Variants in OPCML observed in about 807,000 individuals in gnomAD.
The protein encoded by OPCML is opioid-binding protein/cell adhesion molecule.
In OPCML, 13 loss-of-function variants were observed where a neutral mutation model predicts 37.8. The ratio of observed to expected loss-of-function variants is 0.34; its 90% CI spans 0.22 to 0.55. The LOEUF is 0.55. OPCML is among the 20% of genes least tolerant of loss of function. OPCML has a pLI of 0.91. For synonymous variants in OPCML, 176 were observed against 168.8 expected, an observed-to-expected ratio of 1.04 and a Z score of -0.33; for missense variants, 341 against 435.6, an observed-to-expected ratio of 0.78 and a Z score of 1.93.
intron 1 of OPCML, among the ~76,000 whole-genome samples, chr11:133,336,919 T>A (rs1943756551): frequency 6.6e-6 from 1 of 152,196 alleles, no homozygotes; most frequent in Non-Finnish European, 1.5e-5. Context: ...GATTCTGATG[T>A]GGAGACAAAT....
chr11:133,105,142 G>A (rs1433309510), intron 1 of OPCML, among the ~76,000 whole-genome samples: 1 of 152,100 alleles, frequency 6.6e-6, no homozygotes. Context: ...TAAACTTTAC[G>A]CTTGCTGAGA....
chr11:133,245,072 T>A (rs1940871155), intron 1 of OPCML, among the ~76,000 whole-genome samples: 1 of 152,172 alleles, frequency 6.6e-6, no homozygotes, highest in African/African-American at 2.4e-5. Flanking sequence ...CTGGGTTGAT[T>A]CTACTGTGAG....
chr11:132,563,321 A>C (rs2096414748), intron 3 of OPCML, among the ~76,000 whole-genome samples: 1 of 152,080 alleles, frequency 6.6e-6, no homozygotes, highest in Non-Finnish European at 1.5e-5. Flanking sequence ...TGGAGTATAA[A>C]GACTCCATGT....
intron 2 of OPCML, among the ~76,000 whole-genome samples, chr11:132,794,525 A>G (rs897344094): frequency 6.6e-6 from 1 of 152,134 alleles, no homozygotes; most frequent in African/African-American, 2.4e-5. Flanking sequence ...CTGGAAGATA[A>G]TGGGACCAGG....
At chr11:132,913,069 A>G (rs1944482337) in intron 2 of OPCML, among the ~76,000 whole-genome samples, 1 of 152,238 alleles carries the variant, frequency 6.6e-6, no homozygotes. Context: ...CAAATATTCT[A>G]CATATTACCA....
intron 2 of OPCML, among the ~76,000 whole-genome samples, chr11:132,929,595 AAACAAC>A (rs888428454): frequency 2.6e-5 from 4 of 152,122 alleles, no homozygotes; most frequent in Non-Finnish European, 4.4e-5. Flanking sequence ...GACATTACCA[AAACAAC>A]AACAACAACA....
intron 1 of OPCML, among the ~76,000 whole-genome samples, chr11:133,070,166 A>G (rs1202784433): frequency 6.6e-6 from 1 of 152,192 alleles, no homozygotes; most frequent in Non-Finnish European, 1.5e-5. Flanking sequence ...TGCATTACAA[A>G]TTTACCTCTC....
intron 1 of OPCML, among the ~76,000 whole-genome samples, chr11:133,083,489 C>CG (rs1948773190): frequency 6.6e-6 from 1 of 152,100 alleles, no homozygotes; most frequent in Admixed American, 6.5e-5. Context: ...GGCAGGGCCC[C>CG]GGAAGGCTCG....
intron 2 of OPCML, among the ~76,000 whole-genome samples, chr11:132,663,134 C>G (rs368417925): frequency 2.8e-4 from 43 of 152,288 alleles, no homozygotes; most frequent in African/African-American, 9.9e-4. Flanking sequence ...CTTCATAGAG[C>G]TTACATCACT....
chr11:132,873,708 T>G, intron 2 of OPCML, among the ~76,000 whole-genome samples: 1 of 125,206 alleles, frequency 8.0e-6, no homozygotes, highest in African/African-American at 3.3e-5. Context: ...GGCTGAGCAG[T>G]TGGGCACAAA....
chr11:132,640,708 A>C (rs7130773), intron 3 of OPCML, among the ~76,000 whole-genome samples: 6,412 of 152,244 alleles, frequency 0.042, 321 homozygotes, highest in African/African-American at 0.12. Flanking sequence ...TGTGTAACGC[A>C]GTAGTTACGG....
intron 1 of OPCML, among the ~76,000 whole-genome samples, chr11:132,956,273 G>A (rs774570530): frequency 2.6e-5 from 4 of 152,154 alleles, no homozygotes; most frequent in Admixed American, 6.5e-5. Context: ...GCCGTACCAC[G>A]TGGCTAACAA....
intron 3 of OPCML, among the ~76,000 whole-genome samples, chr11:132,619,429 G>C (rs190908463): frequency 5.5e-4 from 84 of 152,218 alleles, no homozygotes; most frequent in African/African-American, 1.9e-3. Context: ...TGTATGGTAG[G>C]CATTTGATGA....
intron 2 of OPCML, among the ~76,000 whole-genome samples, chr11:132,739,163 C>T (rs148229900): frequency 6.6e-6 from 1 of 152,328 alleles, no homozygotes; most frequent in Non-Finnish European, 1.5e-5. Context: ...TATCTCCTCA[C>T]AGTTTGTCAC....
intron 1 of OPCML, among the ~76,000 whole-genome samples, chr11:133,270,415 C>CAA (rs1192418658): frequency 6.6e-6 from 1 of 152,066 alleles, no homozygotes; most frequent in African/African-American, 2.4e-5. Flanking sequence ...GAAGGCTAGA[C>CAA]AAATGATCCC....
chr11:132,674,569 G>C (rs1326761933), intron 2 of OPCML, among the ~76,000 whole-genome samples: 1 of 152,246 alleles, frequency 6.6e-6, no homozygotes, highest in African/African-American at 2.4e-5. Context: ...GGTGGCACTT[G>C]TCTTATAAAA....
At chr11:133,314,153 T>G (rs1344410063) in intron 1 of OPCML, among the ~76,000 whole-genome samples, 2 of 135,068 alleles carry the variant, frequency 1.5e-5, no homozygotes, top group Non-Finnish European at 3.0e-5. Flanking sequence ...GAGAATGGCG[T>G]GAACCCAGGA....
intron 3 of OPCML, among the ~76,000 whole-genome samples, chr11:132,611,317 C>A (rs532922272): frequency 3.3e-5 from 5 of 152,168 alleles, no homozygotes; most frequent in Non-Finnish European, 4.4e-5. Context: ...TGGAATGCAC[C>A]CCCCAGCACC....
intron 2 of OPCML, among the ~76,000 whole-genome samples, chr11:132,699,155 A>G (rs1943712100): frequency 6.6e-6 from 1 of 151,778 alleles, no homozygotes; most frequent in East Asian, 1.9e-4. Context: ...TCTTTTTGAT[A>G]GGTTCTTATT....
Sources: allele counts gnomAD v4.1 joint callset (sites outside exome capture counted in the v4.1 genomes callset), GRCh38; gene constraint gnomAD v4.1.1; transcripts MANE v1.5; gene names NCBI Gene and HGNC (gene_info 2026-07-23, HGNC 2026-07-21).